KLF15: variants seen among roughly 807,000 people sequenced by gnomAD.
KLF15 encodes the protein KLF transcription factor 15.
KLF15 carries 4 observed loss-of-function variants against 24.6 expected under a neutral mutation model. The observed-to-expected ratio is 0.16, with a 90% CI of 0.08 to 0.37. The LOEUF (loss-of-function observed/expected upper bound fraction) is 0.37, where lower values mean the gene tolerates loss of function less well. KLF15 is among the 10% of genes least tolerant of loss of function. The probability of loss-of-function intolerance (pLI) is 1.00; values close to 1 mark genes in which losing one functional copy is unlikely to be tolerated. For synonymous variants in KLF15, 246 were observed against 236.3 expected, an observed-to-expected ratio of 1.04 and a Z score of -0.37; for missense variants, 496 against 560.6, an observed-to-expected ratio of 0.88 and a Z score of 1.16.
the KLF15 span, among the ~76,000 whole-genome samples, chr3:126,307,231 A>G: frequency 6.6e-6 from 1 of 151,798 alleles, no homozygotes; most frequent in African/African-American, 2.4e-5. Context: ...CTCCCAAAGG[A>G]CTTGACCACC....
intron 2 of KLF15, 67 bp downstream of exon 2, chr3:126,351,774 G>A: frequency 6.7e-7 from 1 of 1,492,398 alleles, no homozygotes; most frequent in Non-Finnish European, 9.0e-7. Context: ...TGGCCCTGCT[G>A]CACACCCAAG....
the KLF15 span, among the ~76,000 whole-genome samples, chr3:126,314,265 C>A: frequency 6.6e-6 from 1 of 152,072 alleles, no homozygotes; most frequent in Non-Finnish European, 1.5e-5. Context: ...GGATATGGGT[C>A]CCCCCTTGAC....
chr3:126,323,128 G>T, the KLF15 span, among the ~76,000 whole-genome samples: 1 of 148,682 alleles, frequency 6.7e-6, no homozygotes, highest in Non-Finnish European at 1.5e-5. Flanking sequence ...TTATAGATAA[G>T]TTGCAAATAT....
At chr3:126,309,753 T>C in the KLF15 span, among the ~76,000 whole-genome samples, 1 of 152,144 alleles carries the variant, frequency 6.6e-6, no homozygotes, top group Non-Finnish European at 1.5e-5. Flanking sequence ...TGGTGCCTCT[T>C]GTAGCACCAG....
At chr3:126,355,773 G>T (rs963856104) in intron 1 of KLF15, among the ~76,000 whole-genome samples, 4 of 152,330 alleles carry the variant, frequency 2.6e-5, no homozygotes, top group Middle Eastern at 3.4e-3. Flanking sequence ...AGTAGGAATG[G>T]GTGGCCCAGG....
downstream of KLF15, among the ~76,000 whole-genome samples, chr3:126,342,401 A>G (rs2082486058): frequency 2.6e-5 from 4 of 152,136 alleles, no homozygotes; most frequent in Admixed American, 2.6e-4. Flanking sequence ...ATTTGGGTTT[A>G]CGGAGCTCCA....
the KLF15 span, among the ~76,000 whole-genome samples, chr3:126,313,209 G>C: frequency 2.0e-5 from 3 of 152,158 alleles, no homozygotes; most frequent in Admixed American, 1.3e-4. Flanking sequence ...GACAACATGG[G>C]GACACAGCGA....
the KLF15 span, among the ~76,000 whole-genome samples, chr3:126,330,677 A>T: frequency 6.6e-6 from 1 of 152,152 alleles, no homozygotes; most frequent in Non-Finnish European, 1.5e-5. Flanking sequence ...AGACTTAACA[A>T]GACATTTCTT....
chr3:126,296,936 T>C, the KLF15 span, among the ~76,000 whole-genome samples: 1 of 152,212 alleles, frequency 6.6e-6, no homozygotes, highest in Non-Finnish European at 1.5e-5. Flanking sequence ...TAACTTTCTT[T>C]TTTTCGTTTG....
chr3:126,301,675 C>T, the KLF15 span, among the ~76,000 whole-genome samples: 7 of 145,658 alleles, frequency 4.8e-5, no homozygotes, highest in African/African-American at 1.8e-4. Flanking sequence ...AGTGCAATGG[C>T]GCCTTCTCAG....
At chr3:126,323,077 G>T in the KLF15 span, among the ~76,000 whole-genome samples, 1 of 145,204 alleles carries the variant, frequency 6.9e-6, no homozygotes, top group Non-Finnish European at 1.5e-5. Flanking sequence ...ATTGACATTT[G>T]CACACTTTTT....
chr3:126,316,322 G>A, the KLF15 span, among the ~76,000 whole-genome samples: 5 of 151,834 alleles, frequency 3.3e-5, no homozygotes, highest in African/African-American at 1.2e-4. Context: ...GAGTGGGGAA[G>A]AGAGTCCATA....
chr3:126,301,299 G>A, the KLF15 span, among the ~76,000 whole-genome samples: 1 of 152,190 alleles, frequency 6.6e-6, no homozygotes, highest in Admixed American at 6.5e-5. Context: ...AACAAGGAGT[G>A]AAGTCCAGGA....
rs554233208 is a variant in KLF15, at chr3:126,343,870, G to A, written c.1108C>T (p.Arg370Trp). Residue 370 changes from arginine to tryptophan, a missense_variant, in exon 3 of 3, where the codon CGG becomes TGG. Coordinates refer to ENST00000296233, the MANE Select transcript of KLF15 (RefSeq NM_014079.4). Reference sequence around the variant, plus strand: ...ACACCTGAGTGCGAGCGCCTGTGCCGCGACAGCTCGTCAGAGCGCGAGAAC... The same window carrying A: ...ACACCTGAGTGCGAGCGCCTGTGCCACGACAGCTCGTCAGAGCGCGAGAAC... Reference protein sequence around the residue: ...WRFSRSDELSRHRRSHSGVKP... With the variant: ...WRFSRSDELSWHRRSHSGVKP... The A allele has an allele frequency of 6.3e-7, 1 of 1,597,934 alleles. No homozygotes were observed. Among genetic ancestry groups the A allele is most frequent in the Non-Finnish European group, 8.5e-7 (1 of 1,173,550 alleles).
downstream of KLF15, among the ~76,000 whole-genome samples, chr3:126,341,302 AG>A (rs890129894): frequency 6.6e-6 from 1 of 152,198 alleles, no homozygotes; most frequent in African/African-American, 2.4e-5. Context: ...ACACACACCC[AG>A]GGGAGGTGAG....
At chr3:126,347,516 C>T (rs532080717) in intron 2 of KLF15, among the ~76,000 whole-genome samples, 2 of 152,366 alleles carry the variant, frequency 1.3e-5, no homozygotes, top group African/African-American at 4.8e-5. Context: ...ACCCACCCTA[C>T]AGGCTGATGA....
chr3:126,346,947 G>C (rs1228981014), intron 2 of KLF15, among the ~76,000 whole-genome samples: 1 of 152,182 alleles, frequency 6.6e-6, no homozygotes, highest in East Asian at 1.9e-4. Context: ...AGGACTGTGA[G>C]GATTGTACAA....
At chr3:126,301,581 T>C in the KLF15 span, among the ~76,000 whole-genome samples, 2 of 151,948 alleles carry the variant, frequency 1.3e-5, no homozygotes, top group African/African-American at 4.8e-5. Context: ...TAATCTTTAT[T>C]ACTTCTGCTT....
chr3:126,326,364 T>C, the KLF15 span, among the ~76,000 whole-genome samples: 2 of 152,054 alleles, frequency 1.3e-5, no homozygotes, highest in Non-Finnish European at 1.5e-5. Flanking sequence ...ATTGGTAGCT[T>C]GATGGGGATG....
Sources: gnomAD v4.1 joint callset for allele counts (sites outside exome capture counted in the v4.1 genomes callset) on GRCh38, gnomAD v4.1.1 for gene constraint, MANE v1.5 for transcripts, NCBI Gene and HGNC (gene_info 2026-07-23, HGNC 2026-07-21) for gene names.